The following KIF16B variants were observed in gnomAD, a reference collection of about 807,000 sequenced individuals.
KIF16B encodes the protein kinesin-like protein KIF16B.
Under a neutral mutation model 156.3 loss-of-function variants are expected in KIF16B, and 98 were observed. The observed-to-expected ratio is 0.63, with a 90% CI of 0.53 to 0.74. KIF16B has a LOEUF of 0.74. KIF16B is among the 30% of genes least tolerant of loss of function. The pLI is 0.00. For synonymous variants in KIF16B, 564 were observed against 583.7 expected (o/e 0.97, Z 0.49); for missense variants, 1,421 against 1,606.5 (o/e 0.88, Z 1.97).
intron 1 of KIF16B, among the ~76,000 whole-genome samples, chr20:16,570,856 C>T (rs963348681): frequency 6.6e-6 from 1 of 152,172 alleles, no homozygotes; most frequent in African/African-American, 2.4e-5. Context: ...GGGCATATCC[C>T]AATGTCCAAT....
At chr20:16,451,451 C>G (rs1230558097) in intron 12 of KIF16B, among the ~76,000 whole-genome samples, 1 of 151,744 alleles carries the variant, frequency 6.6e-6, no homozygotes, top group African/African-American at 2.4e-5. Context: ...TGGCCCAAAA[C>G]AGCACTCCTA....
chr20:16,405,866 G>T lies in KIF16B; in HGVS notation c.1695+508C>A, dbSNP rs549551733. On this transcript the variant is annotated intron_variant, in intron 16 of 25. Coordinates refer to ENST00000354981, the MANE Select transcript of KIF16B (RefSeq NM_024704.5). ...AACAGATTTCTTTCTTTCTTTCTCT[G>T]GTCCTTAGCTCCTTCCCCATCAGCA... Among the ~76,000 whole-genome samples, 6 of 152,076 alleles carry T rather than the reference G, an allele frequency of 3.9e-5. No homozygotes were observed. The South Asian group carries it at 1.2e-3, about 32-fold the overall frequency.
At chr20:16,485,348 G>GAA (rs199554620) in intron 12 of KIF16B, among the ~76,000 whole-genome samples, 3 of 152,042 alleles carry the variant, frequency 2.0e-5, no homozygotes, top group Non-Finnish European at 4.4e-5. Context: ...TTGTTCTATA[G>GAA]AAAAAAACCT....
At chr20:16,528,316 C>T in intron 2 of KIF16B, 55 bp downstream of exon 2, 1 of 1,317,646 alleles carries the variant, frequency 7.6e-7, no homozygotes, top group Non-Finnish European at 1.1e-6. Context: ...GTCATCCCCA[C>T]AGTAAAGCAA....
intron 12 of KIF16B, among the ~76,000 whole-genome samples, chr20:16,485,107 T>C (rs569447333): frequency 4.6e-5 from 7 of 152,268 alleles, no homozygotes; most frequent in African/African-American, 1.7e-4. Context: ...TTTCTTGCCA[T>C]TCTTAGGATC....
At chr20:16,430,930 T>TA (rs57529248) in intron 12 of KIF16B, among the ~76,000 whole-genome samples, 15,142 of 149,952 alleles carry the variant, frequency 0.1, 1,525 homozygotes, top group African/African-American at 0.26. Flanking sequence ...TTTAACACAT[T>TA]AAAAAAAACA....
intron 1 of KIF16B, among the ~76,000 whole-genome samples, chr20:16,549,616 C>T (rs1218416869): frequency 6.6e-6 from 1 of 151,844 alleles, no homozygotes; most frequent in Non-Finnish European, 1.5e-5. Context: ...GCTACAGTAA[C>T]CAAAACAGCA....
chr20:16,458,812 C>T (rs74553827), intron 12 of KIF16B, among the ~76,000 whole-genome samples: 2,391 of 151,998 alleles, frequency 0.016, 29 homozygotes, highest in South Asian at 0.025. Flanking sequence ...CCATTAGCCA[C>T]TCTGCAAGAA....
chr20:16,299,856 C>A (rs1023598621), intron 25 of KIF16B, among the ~76,000 whole-genome samples: 10 of 152,042 alleles, frequency 6.6e-5, no homozygotes, highest in Admixed American at 2.0e-4. Context: ...TCTTAAGTGA[C>A]CCTTGAATAA....
In KIF16B at chr20:16,379,478, C is replaced by A. The variant is rs1331558651; in HGVS notation, c.2524G>T (p.Asp842Tyr). 6.2e-7 allele frequency: 1 copy of A among 1,614,116 alleles called. No individual in the cohort carries two copies. The highest frequency in any genetic ancestry group is 1.1e-5 in the South Asian group (1 of 91,090). Residue 842 changes from aspartate to tyrosine, a missense_variant, in exon 19 of 26, where the codon GAC (aspartate) becomes TAC (tyrosine). Asp to Tyr is a radical substitution (Grantham distance 160, BLOSUM62 -3). Transcript: ENST00000354981. ...QLVKLVNLEK[D>Y]LVQQKDILKK... ...AGGATGTCTTTCTGCTGAACCAGGT[C>A]CTTCTCCAAGTTCACTAGCTTGACA...
rs763589076 is a variant in KIF16B, at chr20:16,528,376, AG to A, written c.111del (p.Leu38Ter). 6.2e-7 allele frequency: 1 copy of A among 1,613,742 alleles called. No homozygotes were observed. Among genetic ancestry groups the A allele is most frequent in the East Asian group, 2.2e-5 (1 of 44,866 alleles). ...AAGGCCAGGTCATGACTTGCCTTTAAGTTTGTGATTGTCGTTTTGCTTTTCT... is the reference window on the plus strand; with the variant it reads ...AAGGCCAGGTCATGACTTGCCTTTAATTTGTGATTGTCGTTTTGCTTTTCT... ...QMEKSKTTIT[N>X]LKIPEGGTGD... On this transcript the variant is annotated frameshift_variant, in exon 2 of 26. Coordinates refer to ENST00000354981, the MANE Select transcript of KIF16B (RefSeq NM_024704.5). LOFTEE classifies it high-confidence loss of function.
chr20:16,559,844 C>A (rs2070994616), intron 1 of KIF16B, among the ~76,000 whole-genome samples: 1 of 151,882 alleles, frequency 6.6e-6, no homozygotes, highest in South Asian at 2.1e-4. Flanking sequence ...GATCCTGGAC[C>A]AGATAAAAGA....
At chr20:16,476,482 T>C (rs987387093) in intron 12 of KIF16B, among the ~76,000 whole-genome samples, 1 of 152,186 alleles carries the variant, frequency 6.6e-6, no homozygotes, top group African/African-American at 2.4e-5. Flanking sequence ...TTAAAAGACA[T>C]CTTGTTAAAT....
At chr20:16,368,850 A>G (rs1003261112) in intron 22 of KIF16B, 2 of 985,708 alleles carry the variant, frequency 2.0e-6, no homozygotes, top group African/African-American at 3.5e-5. Context: ...GTTGCAGCAA[A>G]GTCCAACTGG....
At chr20:16,357,852 T>A (rs77739545) in intron 22 of KIF16B, among the ~76,000 whole-genome samples, 2,913 of 152,310 alleles carry the variant, frequency 0.019, 91 homozygotes, top group African/African-American at 0.067. Context: ...AAGAATTAAT[T>A]GTTTATCATA....
chr20:16,434,383 G>A (rs577273515), intron 12 of KIF16B, among the ~76,000 whole-genome samples: 9 of 152,336 alleles, frequency 5.9e-5, no homozygotes, highest in East Asian at 3.9e-4. Context: ...AGTAAGCAGG[G>A]AGTCTAGCTC....
chr20:16,352,141 C>T (rs189224631), intron 23 of KIF16B, among the ~76,000 whole-genome samples: 89 of 152,250 alleles, frequency 5.8e-4, no homozygotes, highest in Admixed American at 2.9e-3. Context: ...CAAACGGCCA[C>T]CAGAAACTTC....
intron 3 of KIF16B, among the ~76,000 whole-genome samples, chr20:16,522,658 G>A (rs185305085): frequency 6.6e-6 from 1 of 152,192 alleles, no homozygotes; most frequent in African/African-American, 2.4e-5. Context: ...CTCAGCTCTG[G>A]ACCAAACGGA....
At chr20:16,455,363 TA>T (rs11478748) in intron 12 of KIF16B, among the ~76,000 whole-genome samples, 13,602 of 143,316 alleles carry the variant, frequency 0.095, 1,222 homozygotes, top group African/African-American at 0.24. Context: ...CTGCTTATCT[TA>T]AAAAAAAAAA....
Sources: gnomAD v4.1 joint callset for allele counts (sites outside exome capture counted in the v4.1 genomes callset) on GRCh38, gnomAD v4.1.1 for gene constraint, MANE v1.5 for transcripts, NCBI Gene and HGNC (gene_info 2026-07-23, HGNC 2026-07-21) for gene names.